Variants in CILK1 observed in about 807,000 individuals in gnomAD.
The protein encoded by CILK1 is ciliogenesis associated kinase 1.
Under a neutral mutation model 79.2 loss-of-function variants are expected in CILK1, and 47 were observed. That is an observed-to-expected ratio of 0.59 (90% CI 0.47 to 0.76). The LOEUF is 0.76. CILK1 is among the 30% of genes least tolerant of loss of function. The pLI, the probability that CILK1 is intolerant of heterozygous loss-of-function variation, is 0.00. For synonymous variants in CILK1, 266 were observed against 275.9 expected (o/e 0.96, Z 0.36); for missense variants, 660 against 769.5 (o/e 0.86, Z 1.68).
chr6:53,023,161 C>T (rs1765356625), intron 5 of CILK1, among the ~76,000 whole-genome samples: 1 of 152,104 alleles, frequency 6.6e-6, no homozygotes, highest in East Asian at 1.9e-4. Context: ...TCTCGATCCC[C>T]TGACCTCATG....
At chr6:53,041,515 T>A in intron 1 of CILK1, 107 bp from the exon 2 acceptor site, 1 of 409,214 alleles carries the variant, frequency 2.4e-6, no homozygotes, top group Non-Finnish European at 4.6e-6. Flanking sequence ...CATACCCACA[T>A]ACTTGCATAC....
chr6:53,048,495 C>T (rs146857351), intron 1 of CILK1, among the ~76,000 whole-genome samples: 5 of 152,330 alleles, frequency 3.3e-5, no homozygotes, highest in South Asian at 4.1e-4. Flanking sequence ...ACAGTCCAAT[C>T]TGAGCATATC....
intron 1 of CILK1, among the ~76,000 whole-genome samples, chr6:53,050,618 G>A (rs1028884378): frequency 6.6e-6 from 1 of 152,018 alleles, no homozygotes; most frequent in African/African-American, 2.4e-5. Context: ...TTAAGTCCAG[G>A]AGTTCAAGAC....
chr6:53,040,504 G>A (rs1365143137), intron 2 of CILK1, among the ~76,000 whole-genome samples: 1 of 152,190 alleles, frequency 6.6e-6, no homozygotes, highest in Non-Finnish European at 1.5e-5. Context: ...CACAAAATGA[G>A]CTCAGAAGTG....
At chr6:53,046,678 A>T (rs1160210586) in intron 1 of CILK1, among the ~76,000 whole-genome samples, 2 of 152,360 alleles carry the variant, frequency 1.3e-5, no homozygotes, top group African/African-American at 2.4e-5. Context: ...TCAAGCATTG[A>T]TGGCACATGG....
chr6:53,017,113 G>GTGCAGGTACAGATA (rs1488809176), intron 7 of CILK1, among the ~76,000 whole-genome samples: 5 of 152,238 alleles, frequency 3.3e-5, no homozygotes, highest in African/African-American at 9.6e-5. Flanking sequence ...TGCAAGAGAT[G>GTGCAGGTACAGATA]TGCAGGTACA....
intron 1 of CILK1, among the ~76,000 whole-genome samples, chr6:53,053,470 C>T (rs149561344): frequency 2.9e-4 from 44 of 152,272 alleles, no homozygotes; most frequent in African/African-American, 9.6e-4. Flanking sequence ...TATATTAGTA[C>T]ATTTAACCCT....
chr6:53,028,146 C>CA (rs59053012), intron 5 of CILK1, among the ~76,000 whole-genome samples: 8,691 of 63,196 alleles, frequency 0.14, 460 homozygotes, highest in East Asian at 0.3. Flanking sequence ...GACTCCGTCT[C>CA]AAAAAAAAAA....
chr6:53,042,749 G>C (rs1229599584), intron 1 of CILK1, among the ~76,000 whole-genome samples: 2 of 152,198 alleles, frequency 1.3e-5, no homozygotes, highest in Non-Finnish European at 2.9e-5. Flanking sequence ...AACTGTCACA[G>C]ATTGGAGGCA....
At chr6:53,050,374 A>C (rs1647647684) in intron 1 of CILK1, among the ~76,000 whole-genome samples, 1 of 152,042 alleles carries the variant, frequency 6.6e-6, no homozygotes, top group Non-Finnish European at 1.5e-5. Context: ...TGTTAAAAAA[A>C]AGAAGCCAAC....
rs550165159 is a variant in CILK1, at chr6:53,052,587, C to T, written c.-173+9009G>A. Among the ~76,000 whole-genome samples the T allele has an allele frequency of 4.4e-4, 67 of 151,974 alleles. No individual in the cohort carries two copies. The East Asian group carries it at 6.4e-3, about 15-fold the overall frequency. On this transcript the variant is annotated intron_variant, in intron 1 of 13. Transcript: ENST00000676107. ...CTCTACTAAAAATACAAAAATTAAC[C>T]AGGCGTGGTGGTGTATGCCTGTAAT...
chr6:53,012,912 A>AT (rs147579902), intron 9 of CILK1, among the ~76,000 whole-genome samples: 1,713 of 152,314 alleles, frequency 0.011, 34 homozygotes, highest in African/African-American at 0.038. Context: ...TCAGGTTATT[A>AT]TTTTACTAAA....
intron 1 of CILK1, among the ~76,000 whole-genome samples, chr6:53,043,761 G>A (rs947861191): frequency 7.2e-5 from 11 of 151,986 alleles, no homozygotes; most frequent in African/African-American, 2.2e-4. Flanking sequence ...TGGGGGTGTG[G>A]ATGGGAGGGG....
At chr6:53,030,940 T>A in intron 5 of CILK1, 125 bp downstream of exon 5, 2 of 705,838 alleles carry the variant, frequency 2.8e-6, no homozygotes, top group Admixed American at 4.2e-5. Flanking sequence ...AAATCCATTG[T>A]CAGCCTCTCA....
chr6:53,052,743 C>T (rs998600832), intron 1 of CILK1, among the ~76,000 whole-genome samples: 2 of 151,082 alleles, frequency 1.3e-5, no homozygotes, highest in African/African-American at 4.9e-5. Context: ...AAAAAAAAAT[C>T]AATAAATAAA....
In CILK1 at chr6:53,041,325, T is replaced by C; in HGVS notation, c.-89A>G. 2 of 859,834 alleles carry C rather than the reference T, an allele frequency of 2.3e-6. No individual in the cohort carries two copies. The highest frequency in any genetic ancestry group is 2.4e-5 in the East Asian group (1 of 41,390). The allele number at this position is 859,834 out of a possible 1,614,324, so 53.3% of individuals were successfully genotyped here. A position where few individuals can be genotyped will look rare whatever the true frequency, so the allele number is the denominator to read the frequency against. ...CAGTCCTCCCCAGAGTGTAACCAGA[T>C]TTTTCGATGGCAGCACCAGCACAAG... On this transcript the variant is annotated 5_prime_UTR_variant, in exon 2 of 14. Transcript: ENST00000676107.
chr6:53,046,487 T>C (rs896926293), intron 1 of CILK1, among the ~76,000 whole-genome samples: 1 of 152,204 alleles, frequency 6.6e-6, no homozygotes, highest in African/African-American at 2.4e-5. Context: ...GGGTCATTCA[T>C]TCAATGCACA....
intron 1 of CILK1, among the ~76,000 whole-genome samples, 182 bp from the exon 2 acceptor site, chr6:53,041,590 G>T (rs144421641): frequency 6.6e-6 from 1 of 152,336 alleles, no homozygotes; most frequent in African/African-American, 2.4e-5. Flanking sequence ...AAAGCCCAAA[G>T]TACAGCAGGT....
chr6:53,018,578 T>C, intron 6 of CILK1, 77 bp from the exon 7 acceptor site: 19 of 1,388,622 alleles, frequency 1.4e-5, no homozygotes, highest in Non-Finnish European at 1.8e-5. Flanking sequence ...CAGTTCTCAG[T>C]GAGGGGGTGT....
Sources: gnomAD v4.1 joint callset for allele counts (sites outside exome capture counted in the v4.1 genomes callset) on GRCh38, gnomAD v4.1.1 for gene constraint, MANE v1.5 for transcripts, NCBI Gene and HGNC (gene_info 2026-07-23, HGNC 2026-07-21) for gene names.